The following NHS variants were observed in gnomAD, a reference collection of about 807,000 sequenced individuals.
NHS encodes the protein NHS actin remodeling regulator.
A neutral mutation model predicts 72.5 loss-of-function variants in NHS; 5 were observed. That is an observed-to-expected ratio of 0.07 (90% confidence interval 0.04 to 0.14). The LOEUF (loss-of-function observed/expected upper bound fraction) is 0.14. Among genes scored for constraint, NHS ranks in the 10% least tolerant of loss-of-function variants. NHS has a pLI of 1.00. For missense variants in NHS, 1,072 were observed against 1,355.7 expected (o/e 0.79, Z 3.29); for synonymous variants, 464 against 547.7 (o/e 0.85, Z 2.13).
In NHS at chrX:17,725,859, T is replaced by C. The variant is rs1451455411; in HGVS notation, c.1753T>C (p.Ser585Pro). The change falls in exon 7 of 9, where the codon TCC becomes CCC. Residue 585 changes from serine to proline, a missense_variant. Ser to Pro is a moderately conservative substitution (Grantham distance 74). Coordinates refer to ENST00000676302, the MANE Select transcript of NHS (RefSeq NM_001291867.2). ...KLSERGRSRL[S>P]RMAADSGSCD... Reference sequence around the variant, plus strand: ...AAGTGAGAGGGGAAGGTCACGTCTGTCCCGAATGGCTGCTGACTCTGGCAG... The same window carrying C: ...AAGTGAGAGGGGAAGGTCACGTCTGCCCCGAATGGCTGCTGACTCTGGCAG... 1.3e-5 allele frequency: 16 copies of C among 1,209,459 alleles called. No individual in the cohort carries two copies. Among genetic ancestry groups the C allele is most frequent in the Non-Finnish European group, 1.8e-5 (16 of 895,101 alleles).
chrX:17,538,313 G>C (rs1304891495), intron 1 of NHS, among the ~76,000 whole-genome samples: 1 of 111,818 alleles, frequency 8.9e-6, no homozygotes, highest in Non-Finnish European at 1.9e-5. Flanking sequence ...GACATGACAT[G>C]AGGAATGGAG....
chrX:17,731,741 A>T, intron 8 of NHS, 117 bp from the exon 9 acceptor site: 1 of 953,714 alleles, frequency 1.0e-6, no homozygotes, highest in South Asian at 2.4e-5. Flanking sequence ...GTATCCCATC[A>T]TATAGGACAG....
chrX:17,732,979 A>G lies in NHS; in HGVS notation c.*515A>G, dbSNP rs1569322642. ...TCAATGATGAGTGGACATGTGGTCAATTATCTACTGCACACCAACTGTTTA... is the reference window on the plus strand; with the variant it reads ...TCAATGATGAGTGGACATGTGGTCAGTTATCTACTGCACACCAACTGTTTA... On this transcript the variant is annotated 3_prime_UTR_variant, in exon 9 of 9. Coordinates refer to ENST00000676302, the MANE Select transcript of NHS (RefSeq NM_001291867.2). 4 of 131,603 alleles carry G rather than the reference A, an allele frequency of 3.0e-5. No individual in the cohort carries two copies. The highest frequency in any genetic ancestry group is 3.1e-5 in the Non-Finnish European group (2 of 64,198). 10.8% of individuals were successfully genotyped at this position (131,603 alleles called of 1,213,427 possible).
At chrX:17,596,103 A>G (rs187653838) in intron 1 of NHS, among the ~76,000 whole-genome samples, 2 of 112,209 alleles carry the variant, frequency 1.8e-5, no homozygotes, top group East Asian at 5.6e-4. Context: ...GGTAGCTTCA[A>G]ATCTCACAAA....
intron 1 of NHS, among the ~76,000 whole-genome samples, chrX:17,577,781 C>A (rs1357792779): frequency 1.8e-5 from 2 of 111,575 alleles, no homozygotes; most frequent in Admixed American, 9.5e-5. Context: ...GAGTTAGAAG[C>A]CTGTCTGTGT....
chrX:17,470,891 C>T (rs919902221), intron 1 of NHS, among the ~76,000 whole-genome samples: 6 of 111,570 alleles, frequency 5.4e-5, no homozygotes, highest in South Asian at 3.8e-4. Flanking sequence ...TACTTTGTTT[C>T]GTAGCAATTG....
At chrX:17,602,940 G>A (rs1040153871) in intron 1 of NHS, among the ~76,000 whole-genome samples, 12 of 107,287 alleles carry the variant, frequency 1.1e-4, no homozygotes, top group Admixed American at 1.0e-3. Flanking sequence ...TCCTGGGATC[G>A]GGTGATCCTC....
intron 1 of NHS, among the ~76,000 whole-genome samples, chrX:17,448,382 G>C (rs772395553): frequency 8.9e-6 from 1 of 112,146 alleles, no homozygotes; most frequent in South Asian, 3.7e-4. Context: ...TTTGTAAGAT[G>C]ATACTCTGGG....
chrX:17,616,920 G>A (rs1413183238), intron 1 of NHS, among the ~76,000 whole-genome samples: 3 of 111,860 alleles, frequency 2.7e-5, no homozygotes, highest in Non-Finnish European at 5.6e-5. Flanking sequence ...CAGTCTTAGG[G>A]CACAAAGATT....
chrX:17,557,595 G>A (rs969519352), intron 1 of NHS, among the ~76,000 whole-genome samples: 2 of 110,705 alleles, frequency 1.8e-5, no homozygotes, highest in East Asian at 5.7e-4. Flanking sequence ...ACATATTTAC[G>A]ATCTCACAGT....
intron 1 of NHS, among the ~76,000 whole-genome samples, chrX:17,680,184 T>C (rs999202013): frequency 8.9e-6 from 1 of 112,179 alleles, no homozygotes; most frequent in Non-Finnish European, 1.9e-5. Flanking sequence ...TTTCCCCTCC[T>C]AAAGACAACC....
chrX:17,433,494 T>C (rs758934261), intron 1 of NHS, among the ~76,000 whole-genome samples: 5 of 110,158 alleles, frequency 4.5e-5, no homozygotes, highest in African/African-American at 6.6e-5. Flanking sequence ...GCATGGCTGG[T>C]TAGAGAGAAT....
intron 1 of NHS, among the ~76,000 whole-genome samples, chrX:17,508,747 A>G (rs775145097): frequency 6.8e-4 from 76 of 112,001 alleles, no homozygotes; most frequent in African/African-American, 2.3e-3. Context: ...TGGGATTACA[A>G]GAGTGAGCCA....
intron 1 of NHS, among the ~76,000 whole-genome samples, chrX:17,474,407 G>A (rs986374226): frequency 8.9e-6 from 1 of 111,978 alleles, no homozygotes; most frequent in African/African-American, 3.3e-5. Context: ...AGGACAACGT[G>A]CTTCCTTCTT....
intron 1 of NHS, among the ~76,000 whole-genome samples, chrX:17,664,812 A>G (rs967030153): frequency 9.0e-6 from 1 of 111,688 alleles, no homozygotes; most frequent in Non-Finnish European, 1.9e-5. Flanking sequence ...CATTTTTAAC[A>G]ATGTTGTATC....
intron 1 of NHS, among the ~76,000 whole-genome samples, chrX:17,455,693 G>GA (rs2064822958): frequency 8.9e-6 from 1 of 112,024 alleles, no homozygotes; most frequent in East Asian, 2.8e-4. Context: ...CCAGAGGATG[G>GA]AAAAAAAGGA....
intron 8 of NHS, among the ~76,000 whole-genome samples, chrX:17,731,226 T>C (rs2066485066): frequency 1.9e-4 from 1 of 5,337 alleles, no homozygotes; most frequent in African/African-American, 4.8e-4. Context: ...GTTTCTTCCT[T>C]TTTTTTTTTT....
chrX:17,443,939 G>A (rs1265221649), intron 1 of NHS, among the ~76,000 whole-genome samples: 2 of 111,871 alleles, frequency 1.8e-5, no homozygotes, highest in African/African-American at 6.5e-5. Context: ...CATGGCTTGT[G>A]CCTAATATCT....
At chrX:17,623,037 C>T (rs2065781462) in intron 1 of NHS, among the ~76,000 whole-genome samples, 1 of 111,364 alleles carries the variant, frequency 9.0e-6, no homozygotes, top group Non-Finnish European at 1.9e-5. Context: ...AACTGATCCT[C>T]CCACCTCAGT....
Sources: allele counts gnomAD v4.1 joint callset (sites outside exome capture counted in the v4.1 genomes callset), GRCh38; gene constraint gnomAD v4.1.1; transcripts MANE v1.5; gene names NCBI Gene and HGNC (gene_info 2026-07-23, HGNC 2026-07-21).